Variants in EYA2 observed in about 807,000 individuals in gnomAD.
EYA2 encodes the protein protein phosphatase EYA2.
EYA2 carries 31 observed loss-of-function variants against 69.2 expected under a neutral mutation model. That is an observed-to-expected ratio of 0.45 (90% CI 0.34 to 0.60). The LOEUF (loss-of-function observed/expected upper bound fraction) is 0.60. Among genes scored for constraint, EYA2 ranks in the 20% least tolerant of loss-of-function variants. The pLI, the probability that EYA2 is intolerant of heterozygous loss-of-function variation, is 0.02. For missense variants in EYA2, 622 were observed against 701.2 expected, an observed-to-expected ratio of 0.89 and a Z score of 1.28; for synonymous variants, 257 against 279.4, an observed-to-expected ratio of 0.92 and a Z score of 0.80.
intron 1 of EYA2, among the ~76,000 whole-genome samples, chr20:46,958,940 T>G (rs1394770795): frequency 6.6e-6 from 1 of 152,236 alleles, no homozygotes. Context: ...ATCCAGTATA[T>G]CATTGATGGG....
chr20:47,133,561 G>A (rs1389541153), intron 9 of EYA2, among the ~76,000 whole-genome samples: 9 of 152,202 alleles, frequency 5.9e-5, no homozygotes, highest in Non-Finnish European at 1.0e-4. Context: ...ACCACCTTCG[G>A]CCTCAATGAT....
intron 7 of EYA2, among the ~76,000 whole-genome samples, chr20:47,080,635 C>G (rs1253884803): frequency 6.6e-6 from 1 of 152,032 alleles, no homozygotes; most frequent in Non-Finnish European, 1.5e-5. Context: ...CTTCATGCTA[C>G]TGATAAAGAC....
chr20:47,114,010 A>C (rs2032823506), intron 9 of EYA2, among the ~76,000 whole-genome samples: 1 of 152,168 alleles, frequency 6.6e-6, no homozygotes, highest in African/African-American at 2.4e-5. Context: ...GACCATCCAC[A>C]CAGATATCTG....
chr20:47,156,704 A>T (rs2033959237), intron 10 of EYA2, among the ~76,000 whole-genome samples: 1 of 151,946 alleles, frequency 6.6e-6, no homozygotes, highest in African/African-American at 2.4e-5. Flanking sequence ...TAGCGCTCTT[A>T]AGATAAGTTA....
At chr20:46,947,452 A>G (rs1978531220) in intron 1 of EYA2, among the ~76,000 whole-genome samples, 2 of 152,186 alleles carry the variant, frequency 1.3e-5, no homozygotes, top group Non-Finnish European at 2.9e-5. Flanking sequence ...ACACATACAG[A>G]AATGAAAGTT....
intron 1 of EYA2, among the ~76,000 whole-genome samples, chr20:46,902,536 A>G (rs1984162229): frequency 6.6e-6 from 1 of 152,192 alleles, no homozygotes. Context: ...TTGATTCCTA[A>G]CCACTAGGAT....
intron 5 of EYA2, among the ~76,000 whole-genome samples, chr20:47,031,064 G>A (rs2146397324): frequency 6.6e-6 from 1 of 152,314 alleles, no homozygotes; most frequent in Non-Finnish European, 1.5e-5. Context: ...CAATTCAGTT[G>A]CAACACGCAG....
intron 2 of EYA2, among the ~76,000 whole-genome samples, chr20:46,999,205 A>G (rs977796628): frequency 6.6e-6 from 1 of 152,194 alleles, no homozygotes; most frequent in African/African-American, 2.4e-5. Context: ...AAAACATTTA[A>G]AGTGTTTAAT....
chr20:47,037,516 G>A (rs4810596), intron 5 of EYA2, among the ~76,000 whole-genome samples: 131,907 of 152,086 alleles, frequency 0.87, 58,254 homozygotes, highest in Non-Finnish European at 0.97. Flanking sequence ...AAAACAACAT[G>A]AATTTGTTAT....
At chr20:46,994,730 A>T (rs1384531106) in intron 2 of EYA2, among the ~76,000 whole-genome samples, 1 of 151,586 alleles carries the variant, frequency 6.6e-6, no homozygotes, top group East Asian at 1.9e-4. Flanking sequence ...AACAACCTCT[A>T]CCTGTGCAGA....
chr20:47,130,516 C>T (rs1051574218), intron 9 of EYA2, among the ~76,000 whole-genome samples: 5 of 151,802 alleles, frequency 3.3e-5, no homozygotes, highest in Non-Finnish European at 5.9e-5. Context: ...CCACCCGCCT[C>T]GGCCTCCCAA....
intron 1 of EYA2, among the ~76,000 whole-genome samples, chr20:46,919,722 T>A (rs1384348128): frequency 6.6e-6 from 1 of 152,276 alleles, no homozygotes; most frequent in African/African-American, 2.4e-5. Flanking sequence ...TTTAATTTCC[T>A]TCAAAAATTT....
At chr20:47,185,256 C>T (rs1038245848) in intron 15 of EYA2, among the ~76,000 whole-genome samples, 5 of 146,058 alleles carry the variant, frequency 3.4e-5, no homozygotes, top group Admixed American at 2.8e-4. Flanking sequence ...TCATTCTCTC[C>T]CAGAAAAATG....
intron 11 of EYA2, among the ~76,000 whole-genome samples, chr20:47,169,898 A>T (rs1042077420): frequency 2.6e-5 from 4 of 151,424 alleles, no homozygotes; most frequent in Non-Finnish European, 4.4e-5. Context: ...ATACATATAT[A>T]TATTTTTTTC....
chr20:46,989,616 G>A (rs549280964), intron 1 of EYA2, among the ~76,000 whole-genome samples: 11 of 152,132 alleles, frequency 7.2e-5, no homozygotes, highest in Non-Finnish European at 1.5e-4. Flanking sequence ...CCAAGCCTCT[G>A]GCTTTTGGAA....
intron 1 of EYA2, among the ~76,000 whole-genome samples, chr20:46,984,908 G>A (rs930148348): frequency 6.6e-6 from 1 of 152,242 alleles, no homozygotes; most frequent in Admixed American, 6.5e-5. Flanking sequence ...TAGAGTGGGT[G>A]TGCAGTATAG....
At chr20:47,035,223 C>T (rs949805134) in intron 5 of EYA2, among the ~76,000 whole-genome samples, 2 of 152,120 alleles carry the variant, frequency 1.3e-5, no homozygotes, top group Non-Finnish European at 2.9e-5. Flanking sequence ...TGAAAGAGGT[C>T]GGTCAAGGAT....
At chr20:46,963,826 C>G (rs1243053584) in intron 1 of EYA2, among the ~76,000 whole-genome samples, 1 of 152,254 alleles carries the variant, frequency 6.6e-6, no homozygotes, top group East Asian at 1.9e-4. Context: ...TAGGCAGAAG[C>G]AGCTGCACAT....
intron 1 of EYA2, among the ~76,000 whole-genome samples, chr20:46,934,573 C>T (rs1985824625): frequency 6.6e-6 from 1 of 152,074 alleles, no homozygotes; most frequent in African/African-American, 2.4e-5. Flanking sequence ...GAGGGTGAAG[C>T]GGGAGAGGCT....
Sources: allele counts gnomAD v4.1 joint callset (sites outside exome capture counted in the v4.1 genomes callset), GRCh38; gene constraint gnomAD v4.1.1; transcripts MANE v1.5; gene names NCBI Gene and HGNC (gene_info 2026-07-23, HGNC 2026-07-21).